DIAPH3: variants seen among roughly 807,000 people sequenced by gnomAD.
DIAPH3 encodes protein diaphanous homolog 3.
DIAPH3 carries 117 observed loss-of-function variants against 144.3 expected under a neutral mutation model. The observed-to-expected ratio is 0.81, with a 90% CI of 0.70 to 0.95. DIAPH3 has a LOEUF of 0.95. Ranked by LOEUF, DIAPH3 falls within the 40% of genes least tolerant of loss-of-function variation. The probability of loss-of-function intolerance (pLI) is 0.00; values close to 1 mark genes in which losing one functional copy is unlikely to be tolerated. For synonymous variants in DIAPH3, 519 were observed against 488.9 expected (o/e 1.06, Z -0.81); for missense variants, 1,421 against 1,412.7 (o/e 1.01, Z -0.09).
chr13:59,726,530 A>G lies in DIAPH3; in HGVS notation c.3319+47659T>C, dbSNP rs992206127. Reference sequence around the variant, plus strand: ...TACCTCAGGACCTTATTTTCATGGGATAATTGAGCACCCTGGTCCAGTTAA... The same window carrying G: ...TACCTCAGGACCTTATTTTCATGGGGTAATTGAGCACCCTGGTCCAGTTAA... On this transcript the variant is annotated intron_variant, in intron 27 of 27. Coordinates refer to ENST00000400324, the MANE Select transcript of DIAPH3 (RefSeq NM_001042517.2). Among the ~76,000 whole-genome samples, 6 of 152,208 alleles carry G rather than the reference A, an allele frequency of 3.9e-5. 1 individual carries two copies. In the South Asian group the frequency reaches 1.0e-3, roughly 26 times the overall value.
chr13:59,817,190 G>A (rs890842394), intron 24 of DIAPH3, among the ~76,000 whole-genome samples: 2 of 151,560 alleles, frequency 1.3e-5, no homozygotes, highest in African/African-American at 4.8e-5. Context: ...TTTAATTATC[G>A]AGTTTGAATT....
chr13:60,136,718 G>A (rs1318850002), intron 1 of DIAPH3, among the ~76,000 whole-genome samples: 1 of 151,962 alleles, frequency 6.6e-6, no homozygotes, highest in South Asian at 2.1e-4. Context: ...GGCGGATCAC[G>A]AGGTCAGGAG....
intron 21 of DIAPH3, among the ~76,000 whole-genome samples, chr13:59,878,563 T>G (rs1477668325): frequency 6.6e-6 from 1 of 152,098 alleles, no homozygotes; most frequent in Non-Finnish European, 1.5e-5. Context: ...AATAAAGCCC[T>G]ATTACTATGG....
At chr13:60,132,345 T>G (rs924183866) in intron 2 of DIAPH3, among the ~76,000 whole-genome samples, 1 of 152,146 alleles carries the variant, frequency 6.6e-6, no homozygotes, top group Admixed American at 6.5e-5. Flanking sequence ...CACTTACATA[T>G]TTTTGGTGTC....
chr13:60,054,385 C>G (rs1056680751), intron 4 of DIAPH3, among the ~76,000 whole-genome samples: 1 of 151,960 alleles, frequency 6.6e-6, no homozygotes, highest in Non-Finnish European at 1.5e-5. Flanking sequence ...AAACTGTTAT[C>G]TACATAAAGC....
At chr13:60,076,592 A>C (rs1441758130) in intron 4 of DIAPH3, among the ~76,000 whole-genome samples, 1 of 152,142 alleles carries the variant, frequency 6.6e-6, no homozygotes, top group African/African-American at 2.4e-5. Flanking sequence ...AAAAATCAAA[A>C]CAACCTTAAT....
At chr13:60,059,303 A>T (rs1342567904) in intron 4 of DIAPH3, among the ~76,000 whole-genome samples, 2 of 151,980 alleles carry the variant, frequency 1.3e-5, no homozygotes, top group African/African-American at 4.8e-5. Context: ...TACTGATTAC[A>T]TGGGTGTGTC....
intron 14 of DIAPH3, among the ~76,000 whole-genome samples, chr13:59,976,964 G>GA (rs2050711632): frequency 6.6e-6 from 1 of 151,718 alleles, no homozygotes; most frequent in South Asian, 2.1e-4. Context: ...CAACTAACAT[G>GA]ACTTCTTTGT....
At position 59,708,901 on chromosome 13, in the gene DIAPH3, C is replaced by T. The variant is rs181296528; in HGVS notation, c.3320-42055G>A. 3.2e-3 allele frequency among the ~76,000 whole-genome samples: 485 copies of T among 151,416 alleles called. 3 individuals are homozygous for T. The highest frequency in any genetic ancestry group is 0.011 in the African/African-American group (463 of 41,516). On this transcript the variant is annotated intron_variant, in intron 27 of 27. Coordinates refer to ENST00000400324, the MANE Select transcript of DIAPH3 (RefSeq NM_001042517.2). Reference sequence around the variant, plus strand: ...TAAAAAGACCTTATAGACTAAAAATCCTTTACCAAAAGACCTTTATTCCCA... The same window carrying T: ...TAAAAAGACCTTATAGACTAAAAATTCTTTACCAAAAGACCTTTATTCCCA...
chr13:60,073,165 C>T (rs965329794), intron 4 of DIAPH3, among the ~76,000 whole-genome samples: 7 of 151,890 alleles, frequency 4.6e-5, no homozygotes, highest in Non-Finnish European at 8.8e-5. Flanking sequence ...AAAAATTAGC[C>T]GGGCGTGGTG....
intron 17 of DIAPH3, among the ~76,000 whole-genome samples, chr13:59,954,793 G>A (rs990392906): frequency 9.9e-5 from 15 of 152,064 alleles, no homozygotes; most frequent in Admixed American, 2.0e-4. Flanking sequence ...GAGGAAAAGG[G>A]AGTGAAGGGG....
At chr13:59,856,448 T>C (rs1334330316) in intron 22 of DIAPH3, among the ~76,000 whole-genome samples, 1 of 152,108 alleles carries the variant, frequency 6.6e-6, no homozygotes, top group Non-Finnish European at 1.5e-5. Context: ...TTGGCAGAGT[T>C]GGTTTCCTCT....
chr13:59,980,919 A>G (rs546683570), intron 13 of DIAPH3, 60 bp from the exon 14 acceptor site: 5 of 1,353,866 alleles, frequency 3.7e-6, no homozygotes, highest in South Asian at 2.4e-5. Context: ...TTATGACTTC[A>G]AAAGTTTAGA....
At chr13:60,013,245 A>T in intron 7 of DIAPH3, 1 of 982,966 alleles carries the variant, frequency 1.0e-6, no homozygotes, top group Non-Finnish European at 1.2e-6. Flanking sequence ...ATTAGCTAAT[A>T]GATGGAATTT....
Position 59,675,830 on chromosome 13 carries a change from T to C in DIAPH3, c.3320-8984A>G, listed in dbSNP as rs959950787. 3.3e-5 allele frequency among the ~76,000 whole-genome samples: 5 copies of C among 152,104 alleles called. No individual in the cohort carries two copies. The East Asian group carries it at 7.7e-4, about 24-fold the overall frequency. On this transcript the variant is annotated intron_variant, in intron 27 of 27. Coordinates refer to ENST00000400324, the MANE Select transcript of DIAPH3 (RefSeq NM_001042517.2). ...GGGAACATGATTAGGCCATGGCAAA[T>C]AGACATGTTGTGAAATGGAAAAAGC...
intron 25 of DIAPH3, among the ~76,000 whole-genome samples, chr13:59,799,854 G>A (rs375451): frequency 0.7 from 106,009 of 152,064 alleles, 37,231 homozygotes; most frequent in East Asian, 0.84. Flanking sequence ...TGATCTTTAT[G>A]AAAAGCAAAT....
chr13:60,115,131 C>T lies in DIAPH3; in HGVS notation c.214-2945G>A, dbSNP rs150704003. Among the ~76,000 whole-genome samples the T allele has an allele frequency of 2.3e-3, 352 of 152,216 alleles. 3 individuals are homozygous for T. Among genetic ancestry groups the T allele is most frequent in the African/African-American group, 8.2e-3 (339 of 41,540 alleles). The stretch of plus-strand genomic sequence containing the variant: ...ATTTACAATACTGTACTATATTTAT[C>T]AATACTGTAAGTTTACATCATATAA... On this transcript the variant is annotated intron_variant, in intron 2 of 27. Coordinates refer to ENST00000400324, the MANE Select transcript of DIAPH3 (RefSeq NM_001042517.2).
Position 59,956,602 on chromosome 13 carries a change from A to C in DIAPH3, c.2074+13342T>G, listed in dbSNP as rs1362451143. Among the ~76,000 whole-genome samples the C allele has an allele frequency of 1.3e-5, 2 of 152,220 alleles. 1 individual carries two copies. The highest frequency in any genetic ancestry group is 6.3e-3 in the Middle Eastern group (2 of 316). Reference sequence around the variant, plus strand: ...GAGAGCCTCTGCTAGGGCAGTGTGGAAGGGAAATGTGGAGTGGGAGCCCCC... The same window carrying C: ...GAGAGCCTCTGCTAGGGCAGTGTGGCAGGGAAATGTGGAGTGGGAGCCCCC... On this transcript the variant is annotated intron_variant, in intron 17 of 27. Transcript: ENST00000400324.
intron 27 of DIAPH3, among the ~76,000 whole-genome samples, chr13:59,740,980 A>G (rs2036411809): frequency 6.6e-6 from 1 of 152,198 alleles, no homozygotes; most frequent in Non-Finnish European, 1.5e-5. Context: ...ATGAGCAGAT[A>G]GGGGTAAGGG....
Sources: allele counts gnomAD v4.1 joint callset (sites outside exome capture counted in the v4.1 genomes callset), GRCh38; gene constraint gnomAD v4.1.1; transcripts MANE v1.5; gene names NCBI Gene and HGNC (gene_info 2026-07-23, HGNC 2026-07-21).